The following HABP2 variants were observed in gnomAD, a reference collection of about 807,000 sequenced individuals.
The protein encoded by HABP2 is hyaluronan binding protein 2.
Under a neutral mutation model 66.5 loss-of-function variants are expected in HABP2, and 65 were observed. The observed-to-expected ratio is 0.98, with a 90% CI of 0.80 to 1.20. The LOEUF is 1.20. HABP2 is among the 50% of genes most tolerant of loss of function. The probability of loss-of-function intolerance (pLI) is 0.00; values close to 1 mark genes in which losing one functional copy is unlikely to be tolerated. For synonymous variants in HABP2, 263 were observed against 253.9 expected (o/e 1.04, Z -0.34); for missense variants, 786 against 691.0 (o/e 1.14, Z -1.54).
In HABP2 at chr10:113,588,679, G is replaced by T. The variant is rs1281156779; in HGVS notation, c.*310G>T. The T allele has an allele frequency of 9.4e-6, 5 of 530,542 alleles. No individual in the cohort carries two copies. In the African/African-American group the frequency reaches 9.5e-5, roughly 10 times the overall value. The allele number at this position is 530,542 out of a possible 1,614,324, so 32.9% of individuals were successfully genotyped here. On this transcript the variant is annotated 3_prime_UTR_variant, in exon 13 of 13. Coordinates refer to ENST00000351270, the MANE Select transcript of HABP2 (RefSeq NM_004132.5). ...TTCACAGAGACTGCCTCCACCACAG[G>T]CATCCTGCAAATGCAGACTCCAGAA...
At chr10:113,570,117 T>C (rs554252913) in intron 2 of HABP2, 2 of 152,178 alleles carry the variant, frequency 1.3e-5, no homozygotes, top group African/African-American at 4.8e-5. Flanking sequence ...CTATAAGAGA[T>C]TCCAGGATCG....
At position 113,556,804 on chromosome 10, in the gene HABP2, C is replaced by CTTTTTTT. The variant is rs66685949; in HGVS notation, c.69+3628_69+3634dup. Among the ~76,000 whole-genome samples the CTTTTTTT allele has an allele frequency of 2.2e-4, 23 of 105,130 alleles. No individual in the cohort carries two copies. In the East Asian group the frequency reaches 2.3e-3, roughly 10 times the overall value. The allele number at this position is 105,130 out of a possible 152,430, so 69.0% of individuals were successfully genotyped here. The stretch of plus-strand genomic sequence containing the variant: ...TCTCTCTTTCTTTGATTCTTTTATT[C>CTTTTTTT]TTTTTTTTTTTTTTTTTTTTGTAGA... On this transcript the variant is annotated intron_variant, in intron 1 of 12. Coordinates refer to ENST00000351270, the MANE Select transcript of HABP2 (RefSeq NM_004132.5).
intron 1 of HABP2, among the ~76,000 whole-genome samples, chr10:113,556,676 T>C (rs1844999133): frequency 3.3e-5 from 5 of 151,534 alleles, no homozygotes; most frequent in Admixed American, 3.3e-4. Context: ...GAAGGTGCCA[T>C]TGCATCCTGC....
chr10:113,585,383 T>G (rs1362805525), intron 11 of HABP2, among the ~76,000 whole-genome samples: 1 of 152,198 alleles, frequency 6.6e-6, no homozygotes, highest in Non-Finnish European at 1.5e-5. Flanking sequence ...GTCATTATCT[T>G]TACAGGGGAA....
In HABP2 at chr10:113,578,673, A is replaced by G. The variant is rs572312483; in HGVS notation, c.615A>G (p.Lys205=). The change falls in exon 7 of 13, where the codon AAA becomes AAG. Residue 205 remains lysine, a synonymous_variant. Coordinates refer to ENST00000351270, the MANE Select transcript of HABP2 (RefSeq NM_004132.5). ...GCGATGGCTACTCTTACCGAGGGAAAATGAATAGGACAGTCAACCAGCATG... is the reference window on the plus strand; with the variant it reads ...GCGATGGCTACTCTTACCGAGGGAAGATGAATAGGACAGTCAACCAGCATG... ...YVGDGYSYRG[K]MNRTVNQHAC... 1.6e-4 allele frequency: 250 copies of G among 1,612,692 alleles called. No homozygotes were observed. Among genetic ancestry groups the G allele is most frequent in the Non-Finnish European group, 2.0e-4 (235 of 1,178,810 alleles).
At chr10:113,571,292 G>A (rs925239595) in intron 2 of HABP2, among the ~76,000 whole-genome samples, 7 of 152,310 alleles carry the variant, frequency 4.6e-5, no homozygotes, top group African/African-American at 1.4e-4. Flanking sequence ...TATTGGCTGG[G>A]CTTTCTTATA....
intron 5 of HABP2, 130 bp downstream of exon 5, chr10:113,577,396 C>T (rs1845431243): frequency 3.0e-6 from 2 of 674,506 alleles, no homozygotes; most frequent in Admixed American, 2.3e-5. Context: ...TTTCCCTAGG[C>T]TTTCTAAAGA....
At position 113,588,238 on chromosome 10, in the gene HABP2, G is replaced by A. The variant is rs1845696790; in HGVS notation, c.1552G>A (p.Asp518Asn). 6.2e-7 allele frequency: 1 copy of A among 1,612,968 alleles called. No individual in the cohort carries two copies. The highest frequency in any genetic ancestry group is 1.7e-5 in the Admixed American group (1 of 59,934). ...DSGGPLTCEK[D>N]GTYYVYGIVS... is the part of the protein sequence containing the mutation. The stretch of plus-strand genomic sequence containing the variant: ...TGGAGGCCCCCTGACCTGTGAGAAG[G>A]ACGGCACCTACTACGTCTATGGGAT... The change falls in exon 13 of 13, where the codon GAC becomes AAC. Residue 518 changes from aspartate to asparagine, a missense_variant. Coordinates refer to ENST00000351270, the MANE Select transcript of HABP2 (RefSeq NM_004132.5).
chr10:113,554,810 G>T (rs537343203), intron 1 of HABP2, among the ~76,000 whole-genome samples: 4 of 152,330 alleles, frequency 2.6e-5, no homozygotes, highest in Admixed American at 2.6e-4. Context: ...AATTTTTAGG[G>T]TTAGCAATGA....
At chr10:113,551,709 G>T (rs1844901746), upstream of HABP2, among the ~76,000 whole-genome samples, 1 of 152,162 alleles carries the variant, frequency 6.6e-6, no homozygotes. Flanking sequence ...AGGAGGCTGA[G>T]GCAGGAGAAT....
At chr10:113,578,346 C>T (rs1440779675) in intron 6 of HABP2, among the ~76,000 whole-genome samples, 1 of 152,164 alleles carries the variant, frequency 6.6e-6, no homozygotes, top group African/African-American at 2.4e-5. Context: ...CAAGTCAAAC[C>T]ACTTGGGCAT....
rs1475997555 is a variant in HABP2 at position 113,583,343 on chromosome 10, C to T, written c.1222C>T (p.Pro408Ser). 6.2e-7 allele frequency: 1 copy of T among 1,612,724 alleles called. No individual in the cohort carries two copies. Among genetic ancestry groups the T allele is most frequent in the South Asian group, 1.1e-5 (1 of 91,048 alleles). Residue 408 changes from proline (P) to serine (S), a missense_variant, in exon 10 of 13, where the codon CCC becomes TCC. Physicochemically the swap from Pro to Ser is moderately conservative, Grantham distance 74 (BLOSUM62 -1). Transcript: ENST00000351270. ...YSHYNERDEIPHNDIALLKLK... is the reference protein window; with the variant it reads ...YSHYNERDEISHNDIALLKLK... ...CCACTACAATGAAAGAGATGAGATT[C>T]CCCACAATGATATTGGCAAGTTCCT...
intron 5 of HABP2, among the ~76,000 whole-genome samples, chr10:113,577,643 C>A (rs1350560705): frequency 1.3e-5 from 2 of 152,214 alleles, no homozygotes; most frequent in African/African-American, 2.4e-5. Context: ...AGGAGCTTTA[C>A]AGATGAAGAA....
chr10:113,571,370 A>G (rs1845307046), intron 2 of HABP2, among the ~76,000 whole-genome samples: 1 of 152,222 alleles, frequency 6.6e-6, no homozygotes, highest in Non-Finnish European at 1.5e-5. Flanking sequence ...CTCTTGCAGA[A>G]TAGGCCAAAC....
At chr10:113,586,063 C>A in intron 12 of HABP2, 125 bp downstream of exon 12, 1 of 824,686 alleles carries the variant, frequency 1.2e-6, no homozygotes, top group Non-Finnish European at 2.0e-6. Context: ...AGCTAAGACA[C>A]AGGTGAGCTG....
chr10:113,557,699 A>G (rs1365782592), intron 1 of HABP2, among the ~76,000 whole-genome samples: 1 of 152,240 alleles, frequency 6.6e-6, no homozygotes, highest in African/African-American at 2.4e-5. Flanking sequence ...GCACTCTGAG[A>G]AAACAGAACA....
chr10:113,565,902 T>C (rs1281598667), intron 1 of HABP2, among the ~76,000 whole-genome samples: 5 of 152,344 alleles, frequency 3.3e-5, no homozygotes, highest in African/African-American at 1.2e-4. Flanking sequence ...TCTGTCATGT[T>C]CCTCATGAGT....
intron 1 of HABP2, among the ~76,000 whole-genome samples, 162 bp from the exon 2 acceptor site, chr10:113,567,327 T>G (rs369769356): frequency 6.6e-6 from 1 of 152,124 alleles, no homozygotes; most frequent in Non-Finnish European, 1.5e-5. Flanking sequence ...TATCTTCAAA[T>G]AGACCCCATT....
chr10:113,578,154 C>T lies in HABP2; in HGVS notation c.568+9C>T, dbSNP rs11575755. 1.4e-3 allele frequency: 2,199 copies of T among 1,613,882 alleles called. 22 individuals are homozygous for T. The African/African-American group carries it at 0.025, about 19-fold the overall frequency. On this transcript the variant is annotated intron_variant, in intron 6 of 12. Transcript: ENST00000351270. ...GAAATTCTGTGAAATAGGTATGGGT[C>T]TCTGCCACCATCAGGGCCACAAGTG...
Sources: gnomAD v4.1 joint callset for allele counts (sites outside exome capture counted in the v4.1 genomes callset) on GRCh38, gnomAD v4.1.1 for gene constraint, MANE v1.5 for transcripts, NCBI Gene and HGNC (gene_info 2026-07-23, HGNC 2026-07-21) for gene names.